DPP10: variants seen among roughly 807,000 people sequenced by gnomAD.
The protein encoded by DPP10 is inactive dipeptidyl peptidase 10.
Under a neutral mutation model 120.9 loss-of-function variants are expected in DPP10, and 33 were observed. That is an observed-to-expected ratio of 0.27 (90% CI 0.21 to 0.37). The LOEUF is 0.37. Ranked by LOEUF, DPP10 falls within the 10% of genes least tolerant of loss-of-function variation. The pLI is 1.00. For missense variants in DPP10, 816 were observed against 942.8 expected (o/e 0.87, Z 1.76); for synonymous variants, 337 against 326.1 (o/e 1.03, Z -0.36).
chr2:115,274,194 T>C (rs1334765294), intron 1 of DPP10, among the ~76,000 whole-genome samples: 4 of 152,188 alleles, frequency 2.6e-5, no homozygotes, highest in Non-Finnish European at 4.4e-5. Flanking sequence ...GATAATCTTA[T>C]TATATAAATG....
chr2:115,762,421 A>G (rs1372132039), intron 11 of DPP10, 151 bp from the exon 12 acceptor site: 2 of 741,816 alleles, frequency 2.7e-6, no homozygotes, highest in Non-Finnish European at 4.7e-6. Flanking sequence ...ACTCATTCAG[A>G]TTAAATCAAT....
chr2:114,849,375 A>G (rs1688775736), intron 1 of DPP10, among the ~76,000 whole-genome samples: 1 of 152,158 alleles, frequency 6.6e-6, no homozygotes, highest in South Asian at 2.1e-4. Context: ...TTTGAAACAA[A>G]GTCTCACTGT....
intron 1 of DPP10, among the ~76,000 whole-genome samples, chr2:115,244,498 G>C (rs72839273): frequency 1.8e-3 from 266 of 151,866 alleles, no homozygotes; most frequent in Non-Finnish European, 2.9e-3. Flanking sequence ...TTTGTCTGTG[G>C]TAAATTTTTT....
intron 5 of DPP10, among the ~76,000 whole-genome samples, chr2:115,570,520 A>C (rs2081277252): frequency 6.6e-6 from 1 of 152,144 alleles, no homozygotes; most frequent in Admixed American, 6.5e-5. Flanking sequence ...GTTTTGTGTG[A>C]AGTTTGGAAT....
intron 1 of DPP10, among the ~76,000 whole-genome samples, chr2:114,751,958 T>C (rs1277691748): frequency 6.6e-6 from 1 of 152,222 alleles, no homozygotes; most frequent in Non-Finnish European, 1.5e-5. Flanking sequence ...GCCTAAGACA[T>C]GAATTTCTAA....
chr2:115,239,373 T>C (rs1036791835), intron 1 of DPP10, among the ~76,000 whole-genome samples: 2 of 152,292 alleles, frequency 1.3e-5, no homozygotes, highest in East Asian at 3.9e-4. Flanking sequence ...TCCATCGTCT[T>C]AATTTTTGAA....
Position 115,548,699 on chromosome 2 carries a change from G to A in DPP10, c.441+22727G>A, listed in dbSNP as rs563604832. Among the ~76,000 whole-genome samples, 28 of 152,176 alleles carry A rather than the reference G, an allele frequency of 1.8e-4. 1 individual carries two copies. The East Asian group carries it at 2.1e-3, about 12-fold the overall frequency. On this transcript the variant is annotated intron_variant, in intron 5 of 25. Transcript: ENST00000410059. ...CAGTAATTAGACACATAAAACAGCC[G>A]TTGATAAACATCATAATGATGTTTG...
chr2:115,027,472 T>C (rs1173991374), intron 1 of DPP10, among the ~76,000 whole-genome samples: 2 of 152,148 alleles, frequency 1.3e-5, no homozygotes, highest in East Asian at 3.8e-4. Context: ...ACTTGACTTA[T>C]TTCACCTGGC....
chr2:115,519,258 G>A (rs2077666129), intron 4 of DPP10, among the ~76,000 whole-genome samples: 1 of 151,992 alleles, frequency 6.6e-6, no homozygotes, highest in African/African-American at 2.4e-5. Flanking sequence ...TATTTTGGCT[G>A]TTTACATTTA....
intron 24 of DPP10, among the ~76,000 whole-genome samples, chr2:115,839,485 C>A (rs1416821480): frequency 6.6e-6 from 1 of 151,684 alleles, no homozygotes; most frequent in Non-Finnish European, 1.5e-5. Flanking sequence ...ACCAGCCTGA[C>A]CAACATGGTG....
chr2:114,775,941 G>A (rs1681693000), intron 1 of DPP10, among the ~76,000 whole-genome samples: 3 of 152,110 alleles, frequency 2.0e-5, no homozygotes, highest in South Asian at 4.1e-4. Flanking sequence ...TACTTACAAT[G>A]TTGGTAATAC....
chr2:115,154,892 C>CTT (rs34462965), intron 1 of DPP10, among the ~76,000 whole-genome samples: 3 of 136,508 alleles, frequency 2.2e-5, no homozygotes. Context: ...TTTGCCATTA[C>CTT]TTTTTTTTTT....
chr2:115,120,843 T>C (rs998751222), intron 1 of DPP10, among the ~76,000 whole-genome samples: 1 of 152,206 alleles, frequency 6.6e-6, no homozygotes, highest in Non-Finnish European at 1.5e-5. Flanking sequence ...TCATATAAAA[T>C]CTATTTTCTT....
At chr2:114,908,041 T>TAA (rs1694102997) in intron 1 of DPP10, among the ~76,000 whole-genome samples, 1 of 152,036 alleles carries the variant, frequency 6.6e-6, no homozygotes, top group African/African-American at 2.4e-5. Flanking sequence ...GAGTCTTTTA[T>TAA]CACTATAAAC....
intron 21 of DPP10, among the ~76,000 whole-genome samples, chr2:115,822,302 TA>T (rs1378153711): frequency 1.3e-5 from 2 of 152,090 alleles, no homozygotes; most frequent in Non-Finnish European, 2.9e-5. Context: ...TTAATTGAGA[TA>T]TAATTGACAT....
intron 1 of DPP10, among the ~76,000 whole-genome samples, chr2:114,453,288 T>C (rs745800430): frequency 6.6e-6 from 1 of 152,206 alleles, no homozygotes; most frequent in Non-Finnish European, 1.5e-5. Context: ...GCTTCCTTTA[T>C]AGCAGAGGCT....
chr2:115,385,111 G>A (rs764585368), intron 3 of DPP10, among the ~76,000 whole-genome samples: 7 of 152,070 alleles, frequency 4.6e-5, no homozygotes, highest in Non-Finnish European at 1.0e-4. Flanking sequence ...TAAACCTCTT[G>A]TTCTCCCCAT....
chr2:114,553,268 A>G (rs1688032694), intron 1 of DPP10, among the ~76,000 whole-genome samples: 1 of 152,180 alleles, frequency 6.6e-6, no homozygotes, highest in South Asian at 2.1e-4. Flanking sequence ...TGTACCTTCC[A>G]CATCAGCTGT....
chr2:114,801,016 C>T (rs1226655928), intron 1 of DPP10, among the ~76,000 whole-genome samples: 2 of 151,590 alleles, frequency 1.3e-5, no homozygotes, highest in Non-Finnish European at 2.9e-5. Flanking sequence ...GTAATCCCAG[C>T]ACTTTGGGAG....
Sources: gnomAD v4.1 joint callset for allele counts (sites outside exome capture counted in the v4.1 genomes callset) on GRCh38, gnomAD v4.1.1 for gene constraint, MANE v1.5 for transcripts, NCBI Gene and HGNC (gene_info 2026-07-23, HGNC 2026-07-21) for gene names.